ITPR2: variants seen among roughly 807,000 people sequenced by gnomAD.
ITPR2 encodes the protein inositol 1,4,5-trisphosphate-gated calcium channel ITPR2.
In ITPR2, 207 loss-of-function variants were observed where a neutral mutation model predicts 317.1. The ratio of observed to expected loss-of-function variants is 0.65; its 90% confidence interval spans 0.58 to 0.73. The LOEUF is 0.73. Ranked by LOEUF, ITPR2 falls within the 30% of genes least tolerant of loss-of-function variation. ITPR2 has a pLI of 0.00. For missense variants in ITPR2, 2,613 were observed against 3,284.0 expected, an observed-to-expected ratio of 0.80 and a Z score of 4.99; for synonymous variants, 1,156 against 1,149.1, an observed-to-expected ratio of 1.01 and a Z score of -0.12.
chr12:26,432,536 A>G (rs1941238738), intron 48 of ITPR2, among the ~76,000 whole-genome samples: 1 of 151,378 alleles, frequency 6.6e-6, no homozygotes, highest in Non-Finnish European at 1.5e-5. Flanking sequence ...ACAGAATTGT[A>G]CATTATATAT....
intron 2 of ITPR2, among the ~76,000 whole-genome samples, chr12:26,753,483 G>T (rs531401449): frequency 6.6e-6 from 1 of 152,056 alleles, no homozygotes; most frequent in African/African-American, 2.4e-5. Context: ...ACCGACAAGC[G>T]GTCACCTGAA....
intron 24 of ITPR2, chr12:26,623,549 T>G (rs1362208808): frequency 6.6e-6 from 1 of 152,198 alleles, no homozygotes; most frequent in Non-Finnish European, 1.5e-5. Context: ...CATGTATATA[T>G]AGGAAAAAAC....
rs976071065 is a variant in ITPR2 at position 26,400,129 on chromosome 12, T to A, written c.7529A>T (p.Asp2510Val). The A allele has an allele frequency of 5.6e-6, 9 of 1,606,596 alleles. No individual in the cohort carries two copies. The highest frequency in any genetic ancestry group is 7.7e-6 in the Non-Finnish European group (9 of 1,176,234). The change falls in exon 53 of 57, where the codon GAT (aspartate) becomes GTT (valine). Residue 2510 changes from aspartate (D) to valine (V), a missense_variant and splice_region_variant. Transcript: ENST00000381340. Reference sequence around the variant, plus strand: ...AAAAATACTTTTACTCTGGCTTACATCTTTCGATGGCCTTCTTAGCACATC... The same window carrying A: ...AAAAATACTTTTACTCTGGCTTACAACTTTCGATGGCCTTCTTAGCACATC... ...VGDVLRRPSK[D>V]EPLFAARVVY...
chr12:26,340,389 G>A, intron 55 of ITPR2, 61 bp from the exon 56 acceptor site: 2 of 1,453,208 alleles, frequency 1.4e-6, no homozygotes, highest in Admixed American at 2.4e-5. Flanking sequence ...AATGTCTATA[G>A]CTGTTTATTA....
chr12:26,468,454 T>C (rs553936684), intron 45 of ITPR2, among the ~76,000 whole-genome samples: 18 of 152,166 alleles, frequency 1.2e-4, no homozygotes, highest in Non-Finnish European at 2.4e-4. Flanking sequence ...TCTTACATAG[T>C]GGATGTATTA....
At chr12:26,605,356 A>C (rs1279520182) in intron 26 of ITPR2, among the ~76,000 whole-genome samples, 1 of 150,536 alleles carries the variant, frequency 6.6e-6, no homozygotes, top group Non-Finnish European at 1.5e-5. Context: ...CTGATCACAA[A>C]GGTGAAGGCT....
chr12:26,607,756 C>T (rs2136763563), intron 26 of ITPR2, among the ~76,000 whole-genome samples: 1 of 152,188 alleles, frequency 6.6e-6, no homozygotes, highest in East Asian at 1.9e-4. Flanking sequence ...TACCCCAAAC[C>T]TTTTTTCCTT....
intron 2 of ITPR2, among the ~76,000 whole-genome samples, chr12:26,787,233 ACAGAACCCTGAGTTCC>A (rs1440355863): frequency 6.6e-6 from 1 of 152,194 alleles, no homozygotes; most frequent in African/African-American, 2.4e-5. Flanking sequence ...TTAAGATAAG[ACAGAACCCTGAGTTCC>A]CAATAGGAAA....
chr12:26,752,006 T>C (rs966108084), intron 2 of ITPR2, among the ~76,000 whole-genome samples: 2 of 152,220 alleles, frequency 1.3e-5, no homozygotes, highest in African/African-American at 2.4e-5. Flanking sequence ...GGTCAATGCA[T>C]ATACAAAATT....
At chr12:26,506,671 T>A (rs910243497) in intron 37 of ITPR2, among the ~76,000 whole-genome samples, 1 of 151,830 alleles carries the variant, frequency 6.6e-6, no homozygotes, top group African/African-American at 2.4e-5. Context: ...GATTAGAAGG[T>A]AAAATACTAA....
chr12:26,610,544 A>G (rs1193662062), intron 26 of ITPR2, among the ~76,000 whole-genome samples: 1 of 152,162 alleles, frequency 6.6e-6, no homozygotes, highest in East Asian at 1.9e-4. Flanking sequence ...GGAAGGAAGG[A>G]ATTAATTCAT....
At chr12:26,410,561 C>G (rs552805431) in intron 52 of ITPR2, among the ~76,000 whole-genome samples, 1 of 152,260 alleles carries the variant, frequency 6.6e-6, no homozygotes, top group East Asian at 1.9e-4. Flanking sequence ...CTTATCTGTC[C>G]TAAGTCTAAC....
At chr12:26,370,927 C>A (rs1471615724) in intron 55 of ITPR2, among the ~76,000 whole-genome samples, 4 of 152,246 alleles carry the variant, frequency 2.6e-5, no homozygotes, top group African/African-American at 9.6e-5. Context: ...CCTGCCTCGG[C>A]CTCCCAAAGT....
intron 40 of ITPR2, chr12:26,486,812 T>C: frequency 1.6e-6 from 1 of 639,090 alleles, no homozygotes; most frequent in Non-Finnish European, 2.9e-6. Context: ...GCAGTTACTA[T>C]TTACCATGCA....
Position 26,550,321 on chromosome 12 carries a change from C to A in ITPR2, c.4999G>T (p.Glu1667Ter). The change falls in exon 37 of 57, where the codon GAA becomes TAA. Residue 1667 changes from glutamate (E) to a stop codon, truncating the protein, a stop_gained. Coordinates refer to ENST00000381340, the MANE Select transcript of ITPR2 (RefSeq NM_002223.4). LOFTEE classifies it high-confidence loss of function. ...INHTKKLMEK[E>*]EKLCIKILQT... ...AGAATTTTAATGCACAGTTTTTCTTCTTTCTCCATTAGTTTCTTTGTATGA... is the reference window on the plus strand; with the variant it reads ...AGAATTTTAATGCACAGTTTTTCTTATTTCTCCATTAGTTTCTTTGTATGA... 6.6e-7 allele frequency: 1 copy of A among 1,509,742 alleles called. No homozygotes were observed. The highest frequency in any genetic ancestry group is 1.4e-5 in the African/African-American group (1 of 72,654). The allele number at this position is 1,509,742 out of a possible 1,614,324, so 93.5% of individuals were successfully genotyped here. A position where few individuals can be genotyped will look rare whatever the true frequency, so the allele number is the denominator to read the frequency against.
At chr12:26,775,949 T>TATATATATATATATATATACATAC (rs1949958024) in intron 2 of ITPR2, among the ~76,000 whole-genome samples, 1 of 146,594 alleles carries the variant, frequency 6.8e-6, no homozygotes, top group Non-Finnish European at 1.5e-5. Context: ...TATATATATG[T>TATATATATATATATATATACATAC]ATATGTATAT....
chr12:26,436,822 C>G (rs1416747593), intron 47 of ITPR2, among the ~76,000 whole-genome samples: 1 of 152,180 alleles, frequency 6.6e-6, no homozygotes, highest in Non-Finnish European at 1.5e-5. Context: ...CTATGACAGT[C>G]ACAGTTACCT....
chr12:26,686,783 C>A, intron 10 of ITPR2, 151 bp from the exon 11 acceptor site: 1 of 698,128 alleles, frequency 1.4e-6, no homozygotes, highest in Non-Finnish European at 2.3e-6. Context: ...TAGCTCTAGC[C>A]CGACAGCCAT....
rs760114002 is a variant in ITPR2 at position 26,400,121 on chromosome 12, G to A, written c.7530+7C>T. On this transcript the variant is annotated splice_region_variant and intron_variant, in intron 53 of 56. Transcript: ENST00000381340. Reference sequence around the variant, plus strand: ...CTCCTTGAAAAAATACTTTTACTCTGGCTTACATCTTTCGATGGCCTTCTT... The same window carrying A: ...CTCCTTGAAAAAATACTTTTACTCTAGCTTACATCTTTCGATGGCCTTCTT... 3 of 1,603,044 alleles carry A rather than the reference G, an allele frequency of 1.9e-6. No individual in the cohort carries two copies. In the South Asian group the frequency reaches 3.4e-5, roughly 18 times the overall value.
Sources: gnomAD v4.1 joint callset for allele counts (sites outside exome capture counted in the v4.1 genomes callset) on GRCh38, gnomAD v4.1.1 for gene constraint, MANE v1.5 for transcripts, NCBI Gene and HGNC (gene_info 2026-07-23, HGNC 2026-07-21) for gene names.